NLGN4X: variants seen among roughly 807,000 people sequenced by gnomAD.
NLGN4X encodes the protein neuroligin-4, X-linked.
NLGN4X carries 3 observed loss-of-function variants against 40.3 expected under a neutral mutation model. That is an observed-to-expected ratio of 0.07 (90% CI 0.03 to 0.19). NLGN4X has a LOEUF of 0.19. Among genes scored for constraint, NLGN4X ranks in the 10% least tolerant of loss-of-function variants. The probability of loss-of-function intolerance (pLI) is 1.00; values close to 1 mark genes in which losing one functional copy is unlikely to be tolerated. For missense variants in NLGN4X, 382 were observed against 708.3 expected, an observed-to-expected ratio of 0.54 and a Z score of 5.23; for synonymous variants, 270 against 306.8, an observed-to-expected ratio of 0.88 and a Z score of 1.25.
intron 3 of NLGN4X, among the ~76,000 whole-genome samples, chrX:5,941,131 CAAA>C (rs5901305): frequency 5.9e-5 from 3 of 50,771 alleles, no homozygotes. Flanking sequence ...CTCCCTCCTA[CAAA>C]AAAAAAAAAA....
chrX:6,051,549 A>G, intron 2 of NLGN4X, among the ~76,000 whole-genome samples: 1 of 111,016 alleles, frequency 9.0e-6, no homozygotes, highest in African/African-American at 3.3e-5. Flanking sequence ...AAGAAAAGCC[A>G]AAAGTTAACC....
At chrX:6,052,451 T>G (rs2037516442) in intron 2 of NLGN4X, among the ~76,000 whole-genome samples, 1 of 112,184 alleles carries the variant, frequency 8.9e-6, no homozygotes, top group African/African-American at 3.2e-5. Context: ...ACAAATTCCC[T>G]GAAATTTCAG....
intron 2 of NLGN4X, among the ~76,000 whole-genome samples, chrX:6,045,789 A>C (rs1466032168): frequency 1.2e-5 from 1 of 83,505 alleles, no homozygotes; most frequent in Non-Finnish European, 2.4e-5. Context: ...CTAAAAGTAT[A>C]AACAGGGCAA....
At chrX:6,023,364 G>T (rs1262164571) in intron 3 of NLGN4X, among the ~76,000 whole-genome samples, 1 of 112,376 alleles carries the variant, frequency 8.9e-6, no homozygotes, top group Non-Finnish European at 1.9e-5. Flanking sequence ...TATCACAATT[G>T]TGTATCTTGA....
intron 2 of NLGN4X, among the ~76,000 whole-genome samples, chrX:6,109,347 C>A (rs1255518453): frequency 9.0e-6 from 1 of 111,625 alleles, no homozygotes; most frequent in Non-Finnish European, 1.9e-5. Context: ...CCAAGTAATA[C>A]CTGGATGTAA....
intron 3 of NLGN4X, among the ~76,000 whole-genome samples, chrX:5,971,799 C>T (rs776445686): frequency 1.8e-5 from 2 of 111,493 alleles, no homozygotes; most frequent in East Asian, 2.8e-4. Flanking sequence ...TAGGCAACCA[C>T]GGTATGTTCT....
chrX:6,003,226 G>A (rs918722726), intron 3 of NLGN4X, among the ~76,000 whole-genome samples: 1 of 111,964 alleles, frequency 8.9e-6, no homozygotes, highest in East Asian at 2.8e-4. Context: ...TTAACAAAAG[G>A]GGGTGGGCTA....
At chrX:6,056,299 A>C (rs1403917888) in intron 2 of NLGN4X, among the ~76,000 whole-genome samples, 1 of 111,005 alleles carries the variant, frequency 9.0e-6, no homozygotes, top group Non-Finnish European at 1.9e-5. Flanking sequence ...AACATGGCAA[A>C]ACCCCATCTC....
chrX:6,047,275 C>T (rs1014830726), intron 2 of NLGN4X, among the ~76,000 whole-genome samples: 3 of 110,649 alleles, frequency 2.7e-5, no homozygotes, highest in Non-Finnish European at 5.7e-5. Context: ...CCCCGGAGTT[C>T]GAGACCAGCC....
At chrX:5,983,829 C>T (rs749733170) in intron 3 of NLGN4X, among the ~76,000 whole-genome samples, 97 of 111,271 alleles carry the variant, frequency 8.7e-4, no homozygotes, top group Non-Finnish European at 1.1e-3. Context: ...GACTGTAGTC[C>T]CAGCTACTCA....
At chrX:6,186,225 T>C (rs1448109875) in intron 1 of NLGN4X, among the ~76,000 whole-genome samples, 1 of 112,262 alleles carries the variant, frequency 8.9e-6, no homozygotes, top group African/African-American at 3.2e-5. Flanking sequence ...CCATGCAGTG[T>C]CTGGGGCAAC....
At chrX:6,068,515 C>T (rs5915635) in intron 2 of NLGN4X, among the ~76,000 whole-genome samples, 1 of 110,816 alleles carries the variant, frequency 9.0e-6, no homozygotes, top group African/African-American at 3.3e-5. Flanking sequence ...ATAGGGAAAG[C>T]GTTTGGGGCT....
intron 1 of NLGN4X, among the ~76,000 whole-genome samples, chrX:6,168,644 T>C (rs1036539045): frequency 1.8e-5 from 2 of 111,831 alleles, no homozygotes; most frequent in African/African-American, 6.5e-5. Flanking sequence ...CAGCTATTTT[T>C]TTTTTATTTT....
intron 2 of NLGN4X, among the ~76,000 whole-genome samples, chrX:6,064,461 GA>G (rs2037854603): frequency 9.0e-6 from 1 of 111,677 alleles, no homozygotes; most frequent in African/African-American, 3.3e-5. Flanking sequence ...TTTCCATTGT[GA>G]AAAACACATT....
At chrX:6,009,321 C>CT (rs1465624962) in intron 3 of NLGN4X, among the ~76,000 whole-genome samples, 2 of 111,823 alleles carry the variant, frequency 1.8e-5, no homozygotes, top group Non-Finnish European at 3.8e-5. Context: ...TCCATGTTTA[C>CT]TTTTTTGAGG....
At chrX:6,197,266 A>T (rs1183513530) in intron 1 of NLGN4X, among the ~76,000 whole-genome samples, 2 of 110,309 alleles carry the variant, frequency 1.8e-5, no homozygotes, top group African/African-American at 6.5e-5. Flanking sequence ...ATTAATATGA[A>T]GATGATCAGC....
At chrX:6,060,460 T>G (rs1307773748) in intron 2 of NLGN4X, among the ~76,000 whole-genome samples, 1 of 111,562 alleles carries the variant, frequency 9.0e-6, no homozygotes, top group Admixed American at 9.6e-5. Context: ...TCAGCACAGA[T>G]GAAAGAAGAT....
intron 5 of NLGN4X, among the ~76,000 whole-genome samples, chrX:5,895,404 A>AT (rs1408380314): frequency 1.8e-5 from 2 of 111,467 alleles, no homozygotes; most frequent in African/African-American, 6.5e-5. Flanking sequence ...TAGAACACCT[A>AT]TAATATTGCA....
At chrX:6,016,636 T>C (rs946086879) in intron 3 of NLGN4X, among the ~76,000 whole-genome samples, 1 of 111,232 alleles carries the variant, frequency 9.0e-6, no homozygotes, top group Non-Finnish European at 1.9e-5. Context: ...TCAAGAAAAA[T>C]GAAATATATG....
Sources: gnomAD v4.1 joint callset for allele counts (sites outside exome capture counted in the v4.1 genomes callset) on GRCh38, gnomAD v4.1.1 for gene constraint, MANE v1.5 for transcripts, NCBI Gene and HGNC (gene_info 2026-07-23, HGNC 2026-07-21) for gene names.